ARHGAP30: variants seen among roughly 807,000 people sequenced by gnomAD.
ARHGAP30 encodes the protein Rho GTPase activating protein 30.
ARHGAP30 carries 23 observed loss-of-function variants against 72.0 expected under a neutral mutation model. That is an observed-to-expected ratio of 0.32 (90% CI 0.23 to 0.45). The LOEUF (loss-of-function observed/expected upper bound fraction) is 0.45, where lower values mean the gene tolerates loss of function less well. Ranked by LOEUF, ARHGAP30 falls within the 20% of genes least tolerant of loss-of-function variation. The pLI, the probability that ARHGAP30 is intolerant of heterozygous loss-of-function variation, is 1.00. For synonymous variants in ARHGAP30, 576 were observed against 528.2 expected (o/e 1.09, Z -1.24); for missense variants, 1,319 against 1,383.4 (o/e 0.95, Z 0.74).
In ARHGAP30 at chr1:161,048,178, T is replaced by G. The variant is rs773189490; in HGVS notation, c.2843A>C (p.Lys948Thr). Reference protein sequence around the residue: ...PVVPPKPQFAKMPSAMCSKIH... With the variant: ...PVVPPKPQFATMPSAMCSKIH... ...CTTGCTACACATTGCACTGGGCATC[T>G]TGGCAAACTGTGGCTTGGGGGGCAC... Residue 948 changes from lysine (K) to threonine (T), a missense_variant, in exon 12 of 12, where the codon AAG becomes ACG. This residue lies in a region of ARHGAP30 where 1,097 missense variants were observed against 1,045.2 expected (regional missense o/e 1.05). Transcript: ENST00000368013. The G allele has an allele frequency of 2.5e-6, 4 of 1,614,198 alleles. No homozygotes were observed. The highest frequency in any genetic ancestry group is 3.4e-6 in the Non-Finnish European group (4 of 1,180,032).
chr1:161,064,884 A>G, intron 1 of ARHGAP30, among the ~76,000 whole-genome samples: 1 of 149,224 alleles, frequency 6.7e-6, no homozygotes, highest in Non-Finnish European at 1.5e-5. Context: ...AAGGAGAGAA[A>G]AGAGAGAGGA....
Position 161,048,316 on chromosome 1 carries a change from C to G in ARHGAP30, c.2705G>C (p.Gly902Ala), listed in dbSNP as rs751939295. 2 of 1,614,156 alleles carry G rather than the reference C, an allele frequency of 1.2e-6. No individual in the cohort carries two copies. The highest frequency in any genetic ancestry group is 1.7e-6 in the Non-Finnish European group (2 of 1,180,016). ...PPQPEEMEPE[G>A]QPSPDGCLCP... The stretch of plus-strand genomic sequence containing the variant: ...TAGACAGCCGTCTGGACTGGGCTGC[C>G]CCTCAGGCTCCATCTCCTCTGGCTG... Residue 902 changes from glycine (G) to alanine (A), a missense_variant, in exon 12 of 12, where the codon GGG becomes GCG. This residue lies in a region of ARHGAP30 where 1,097 missense variants were observed against 1,045.2 expected (regional missense o/e 1.05). Transcript: ENST00000368013.
intron 1 of ARHGAP30, among the ~76,000 whole-genome samples, chr1:161,061,447 C>CCAGCTAATTT (rs1170798581): frequency 5.3e-5 from 8 of 150,252 alleles, no homozygotes; most frequent in South Asian, 2.1e-4. Context: ...GCCACCGCGC[C>CCAGCTAATTT]TGACCTGCTT....
At chr1:161,060,610 A>AAAGG (rs1044632837) in intron 1 of ARHGAP30, among the ~76,000 whole-genome samples, 1 of 151,810 alleles carries the variant, frequency 6.6e-6, no homozygotes, top group African/African-American at 2.4e-5. Flanking sequence ...AAAAAAAAAA[A>AAAGG]AAAGGAAAGG....
chr1:161,055,890 TA>T (rs1419836028), intron 3 of ARHGAP30, among the ~76,000 whole-genome samples: 96 of 108,804 alleles, frequency 8.8e-4, no homozygotes, highest in East Asian at 5.4e-3. Context: ...TAAAAATAAA[TA>T]AAATAAAATA....
At chr1:161,057,277 C>G (rs1314652761) in intron 2 of ARHGAP30, among the ~76,000 whole-genome samples, 1 of 151,854 alleles carries the variant, frequency 6.6e-6, no homozygotes, top group Non-Finnish European at 1.5e-5. Flanking sequence ...GCCTCAGCCT[C>G]CTGAGTAGCT....
intron 10 of ARHGAP30, among the ~76,000 whole-genome samples, chr1:161,050,639 GTT>G (rs796144648): frequency 7.4e-6 from 1 of 135,782 alleles, no homozygotes; most frequent in Non-Finnish European, 1.6e-5. Flanking sequence ...ACTGTTTTTT[GTT>G]TTTTTTTTTT....
At position 161,054,755 on chromosome 1, in the gene ARHGAP30, C is replaced by T. The variant is rs1326785476; in HGVS notation, c.346-50G>A. 4 of 1,524,856 alleles carry T rather than the reference C, an allele frequency of 2.6e-6. No individual in the cohort carries two copies. In the Admixed American group the frequency reaches 6.7e-5, roughly 25 times the overall value. 94.5% of individuals were successfully genotyped at this position (1,524,856 alleles called of 1,614,324 possible). A position where few individuals can be genotyped will look rare whatever the true frequency, so the allele number is the denominator to read the frequency against. ...AGGAATCAGTGACCCAGCAATGCCC[C>T]TGCTTACTCCCCAGAGCTTGTAACC... On this transcript the variant is annotated intron_variant, in intron 3 of 11. Transcript: ENST00000368013.
At chr1:161,054,731 G>A (rs762307522) in intron 3 of ARHGAP30, 26 bp from the exon 4 acceptor site, 9 of 1,607,596 alleles carry the variant, frequency 5.6e-6, no homozygotes, top group Non-Finnish European at 7.7e-6. Context: ...GCAAGAAGCA[G>A]GAATCAGTGA....
At chr1:161,054,042 T>C (rs112192873) in intron 5 of ARHGAP30, among the ~76,000 whole-genome samples, 9 of 152,248 alleles carry the variant, frequency 5.9e-5, no homozygotes, top group African/African-American at 2.2e-4. Context: ...CTCTCCAGCC[T>C]GGGCAACAGA....
chr1:161,051,333 G>A lies in ARHGAP30; in HGVS notation c.1401C>T (p.Gly467=), dbSNP rs774656981. The change falls in exon 10 of 12, where the codon GGC becomes GGT. Residue 467 remains glycine (G), a synonymous_variant. Transcript: ENST00000368013. ...SPASGPGPGP[G]LGPGPPDEKL... Reference sequence around the variant, plus strand: ...CCTCACCTGGGGGGCCAGGGCCAAGGCCAGGGCCAGGGCCAGGGCCAGAGG... The same window carrying A: ...CCTCACCTGGGGGGCCAGGGCCAAGACCAGGGCCAGGGCCAGGGCCAGAGG... 3.1e-6 allele frequency: 5 copies of A among 1,605,408 alleles called. No homozygotes were observed. The highest frequency in any genetic ancestry group is 3.4e-6 in the Non-Finnish European group (4 of 1,175,506).
intron 3 of ARHGAP30, among the ~76,000 whole-genome samples, chr1:161,055,793 A>AT (rs1553217850): frequency 0.37 from 14,098 of 37,822 alleles, 1,826 homozygotes; most frequent in African/African-American, 0.54. Context: ...TAAAATTAAA[A>AT]TAAAATAAAA....
chr1:161,064,779 A>AAAAGAAAAGAAAGAAAGAAAG (rs1652575946), intron 1 of ARHGAP30, among the ~76,000 whole-genome samples: 1 of 98,068 alleles, frequency 1.0e-5, no homozygotes, highest in African/African-American at 4.2e-5. Context: ...GAAAGAAAGA[A>AAAAGAAAAGAAAGAAAGAAAG]AAAGAAAGAA....
At chr1:161,054,095 C>T (rs1482338796) in intron 5 of ARHGAP30, among the ~76,000 whole-genome samples, 1 of 152,098 alleles carries the variant, frequency 6.6e-6, no homozygotes, top group Non-Finnish European at 1.5e-5. Context: ...TGATATGGAA[C>T]TGTTATGTTC....
rs1332979566 is a variant in ARHGAP30 at position 161,048,786 on chromosome 1, C to T, written c.2235G>A (p.Glu745=). ...EEPGGDEYTD[E]KEKEIEREED... Reference sequence around the variant, plus strand: ...CTTCTCTCTCAATTTCTTTTTCCTTCTCATCTGTATACTCATCTCCTCCTG... The same window carrying T: ...CTTCTCTCTCAATTTCTTTTTCCTTTTCATCTGTATACTCATCTCCTCCTG... The change falls in exon 12 of 12, where the codon GAG becomes GAA. Residue 745 remains glutamate, a synonymous_variant. Coordinates refer to ENST00000368013, the MANE Select transcript of ARHGAP30 (RefSeq NM_001025598.2). 1 of 1,613,962 alleles carries T rather than the reference C, an allele frequency of 6.2e-7. No homozygotes were observed. Among genetic ancestry groups the T allele is most frequent in the Non-Finnish European group, 8.5e-7 (1 of 1,180,018 alleles).
At chr1:161,058,807 G>A (rs1180585469) in intron 2 of ARHGAP30, among the ~76,000 whole-genome samples, 2 of 145,514 alleles carry the variant, frequency 1.4e-5, no homozygotes, top group East Asian at 4.2e-4. Context: ...GTTGCAATGA[G>A]CCAAGATTGC....
chr1:161,051,864 A>C, intron 9 of ARHGAP30, 149 bp from the exon 10 acceptor site: 1 of 1,408,894 alleles, frequency 7.1e-7, no homozygotes, highest in African/African-American at 1.4e-5. Flanking sequence ...TCTTTTGATC[A>C]CTACTGCAAA....
In ARHGAP30 at chr1:161,049,695, G is replaced by A. The variant is rs548365507; in HGVS notation, c.1421-6C>T. On this transcript the variant is annotated splice_polypyrimidine_tract_variant and splice_region_variant and intron_variant, in intron 10 of 11. Transcript: ENST00000368013. ...ACTTGCTTCCAACTTTTCATCTGTT[G>A]GGGGAGAAGTAGTCCCAGGAATACA... The A allele has an allele frequency of 3.1e-6, 5 of 1,611,480 alleles. No individual in the cohort carries two copies. Among genetic ancestry groups the A allele is most frequent in the African/African-American group, 1.3e-5 (1 of 74,854 alleles).
Position 161,049,114 on chromosome 1 carries a change from TCTCC to T in ARHGAP30, c.1903_1906del (p.Gly635ArgfsTer34). 2 of 1,614,052 alleles carry T rather than the reference TCTCC, an allele frequency of 1.2e-6. No homozygotes were observed. Among genetic ancestry groups the T allele is most frequent in the Non-Finnish European group, 8.5e-7 (1 of 1,179,994 alleles). On this transcript the variant is annotated frameshift_variant, in exon 12 of 12. Transcript: ENST00000368013. LOFTEE classifies it low-confidence loss of function (END_TRUNC). The stretch of plus-strand genomic sequence containing the variant: ...AGCCTGCCTTCCACATCCTGCTGCC[TCTCC>T]CTCCAGACTCCCTGAACCCTTCCAG...
Sources: allele counts gnomAD v4.1 joint callset (sites outside exome capture counted in the v4.1 genomes callset), GRCh38; gene constraint gnomAD v4.1.1; regional missense constraint gnomAD v4.1.1; transcripts MANE v1.5; gene names NCBI Gene and HGNC (gene_info 2026-07-23, HGNC 2026-07-21).